HTR1E: variants seen among roughly 807,000 people sequenced by gnomAD.
HTR1E encodes 5-hydroxytryptamine receptor 1E, also known as 5-HT-1E.
In HTR1E, 3 loss-of-function variants were observed where a neutral mutation model predicts 3.4. The observed-to-expected ratio is 0.89, with a 90% CI of 0.41 to 2.31. The LOEUF (loss-of-function observed/expected upper bound fraction) is 2.31. Ranked by LOEUF, HTR1E falls within the 30% of genes most tolerant of loss-of-function variation. The pLI is 0.05. For synonymous variants in HTR1E, 170 were observed against 182.8 expected, an observed-to-expected ratio of 0.93 and a Z score of 0.56; for missense variants, 392 against 467.0, an observed-to-expected ratio of 0.84 and a Z score of 1.48.
At chr6:86,994,173 G>A (rs927791359) in intron 1 of HTR1E, among the ~76,000 whole-genome samples, 1 of 152,160 alleles carries the variant, frequency 6.6e-6, no homozygotes, top group Non-Finnish European at 1.5e-5. Flanking sequence ...ATCCATGTCA[G>A]TGGAGTCTCA....
intron 1 of HTR1E, among the ~76,000 whole-genome samples, chr6:86,995,661 A>G (rs1422312294): frequency 2.0e-5 from 2 of 101,538 alleles, no homozygotes; most frequent in Admixed American, 1.4e-4. Context: ...GTGAGACTCC[A>G]TCTCAAAAAA....
chr6:86,947,561 C>T (rs1767139186), intron 1 of HTR1E, among the ~76,000 whole-genome samples: 1 of 152,042 alleles, frequency 6.6e-6, no homozygotes, highest in African/African-American at 2.4e-5. Context: ...ATTGCCACCA[C>T]CAAGAGGCAG....
chr6:86,972,611 A>C (rs1306049118), intron 1 of HTR1E, among the ~76,000 whole-genome samples: 1 of 152,210 alleles, frequency 6.6e-6, no homozygotes, highest in Non-Finnish European at 1.5e-5. Context: ...AAAATTCTAA[A>C]TTTCTAATAA....
Position 86,977,966 on chromosome 6 carries a change from TA to T in HTR1E, c.-185-37183del, listed in dbSNP as rs548622535. 2.1e-3 allele frequency among the ~76,000 whole-genome samples: 319 copies of T among 152,322 alleles called. 4 individuals carry two copies. Among genetic ancestry groups the T allele is most frequent in the African/African-American group, 7.3e-3 (305 of 41,576 alleles). On this transcript the variant is annotated intron_variant, in intron 1 of 1. Transcript: ENST00000305344. ...CTTTATCAGATGCGTAATTTACAAA[TA>T]TTTTTTCCCATTCTGTAGGTTGACT...
At chr6:87,011,468 T>C (rs1768234696) in intron 1 of HTR1E, among the ~76,000 whole-genome samples, 1 of 152,204 alleles carries the variant, frequency 6.6e-6, no homozygotes, top group Non-Finnish European at 1.5e-5. Context: ...AATGAGTTGA[T>C]CAGGAATGCT....
chr6:87,015,801 C>T lies in HTR1E; in HGVS notation c.467C>T (p.Pro156Leu). 6.2e-7 allele frequency: 1 copy of T among 1,612,168 alleles called. No homozygotes were observed. ...VWTISIFISM[P>L]PLFWRSHRRL... ...ACCATCTCCATTTTCATCTCCATGC[C>T]CCCTCTGTTCTGGAGAAGCCACCGC... Residue 156 changes from proline (P) to leucine (L), a missense_variant, in exon 2 of 2, where the codon CCC (proline) becomes CTC (leucine). This residue lies in a region of HTR1E where 189 missense variants were observed against 258.0 expected (regional missense o/e 0.73). Transcript: ENST00000305344.
Position 86,982,440 on chromosome 6 carries a change from T to C in HTR1E, c.-185-32710T>C, listed in dbSNP as rs1285738770. 2.0e-5 allele frequency among the ~76,000 whole-genome samples: 3 copies of C among 152,296 alleles called. No individual in the cohort carries two copies. In the East Asian group the frequency reaches 5.8e-4, roughly 29 times the overall value. Reference sequence around the variant, plus strand: ...AGAATTGTGTGCAGAATTTTGGTTGTGATGTGCTCTCAGGCGATACACCTG... The same window carrying C: ...AGAATTGTGTGCAGAATTTTGGTTGCGATGTGCTCTCAGGCGATACACCTG... On this transcript the variant is annotated intron_variant, in intron 1 of 1. Transcript: ENST00000305344.
At chr6:86,993,484 T>A (rs945342048) in intron 1 of HTR1E, among the ~76,000 whole-genome samples, 2 of 151,890 alleles carry the variant, frequency 1.3e-5, no homozygotes, top group Non-Finnish European at 2.9e-5. Context: ...GCAAGTGAAC[T>A]ATTATTCGTG....
At chr6:87,010,618 C>T (rs1582285735) in intron 1 of HTR1E, among the ~76,000 whole-genome samples, 2 of 146,482 alleles carry the variant, frequency 1.4e-5, no homozygotes, top group East Asian at 4.1e-4. Context: ...CTCCTCACTT[C>T]CTAGATGGGA....
chr6:86,961,647 G>A (rs186914944), intron 1 of HTR1E, among the ~76,000 whole-genome samples: 4 of 152,316 alleles, frequency 2.6e-5, no homozygotes, highest in Non-Finnish European at 5.9e-5. Context: ...GCTCTGACTC[G>A]GTGAAGAAAC....
At chr6:86,951,032 G>A (rs138546427) in intron 1 of HTR1E, among the ~76,000 whole-genome samples, 1 of 152,248 alleles carries the variant, frequency 6.6e-6, no homozygotes, top group East Asian at 1.9e-4. Flanking sequence ...GGGGAGGAGT[G>A]TTCAATGCCT....
intron 1 of HTR1E, among the ~76,000 whole-genome samples, chr6:86,948,539 C>A (rs1237934076): frequency 2.0e-5 from 3 of 152,146 alleles, no homozygotes; most frequent in African/African-American, 7.2e-5. Flanking sequence ...TCTTCTCTTC[C>A]CTCTTCCCTA....
intron 1 of HTR1E, among the ~76,000 whole-genome samples, chr6:86,990,101 A>C (rs1767851987): frequency 6.6e-6 from 1 of 152,200 alleles, no homozygotes; most frequent in Admixed American, 6.5e-5. Flanking sequence ...AGCATGTTGC[A>C]CTACAAAAGA....
At chr6:86,983,685 G>A (rs1039448412) in intron 1 of HTR1E, among the ~76,000 whole-genome samples, 1 of 152,004 alleles carries the variant, frequency 6.6e-6, no homozygotes, top group African/African-American at 2.4e-5. Context: ...CCAACACAAA[G>A]AAATTATAAA....
intron 1 of HTR1E, among the ~76,000 whole-genome samples, chr6:86,994,491 C>T (rs908509978): frequency 2.6e-5 from 4 of 151,988 alleles, no homozygotes; most frequent in Non-Finnish European, 4.4e-5. Flanking sequence ...CAAGTGCTCA[C>T]AGAAAAGAAC....
intron 1 of HTR1E, among the ~76,000 whole-genome samples, chr6:86,985,253 A>G (rs1471684663): frequency 6.6e-6 from 1 of 152,144 alleles, no homozygotes; most frequent in Admixed American, 6.5e-5. Flanking sequence ...ATTCCAATGT[A>G]GGAGCGCCAA....
intron 1 of HTR1E, chr6:86,970,639 G>A (rs879238360): frequency 6.3e-6 from 1 of 159,040 alleles, no homozygotes; most frequent in South Asian, 1.7e-4. Flanking sequence ...ATACACAGAT[G>A]GACAGAATGG....
At chr6:86,945,636 A>T (rs1190676795) in intron 1 of HTR1E, among the ~76,000 whole-genome samples, 1 of 152,242 alleles carries the variant, frequency 6.6e-6, no homozygotes, top group Non-Finnish European at 1.5e-5. Flanking sequence ...ATATTTTTGT[A>T]TAGCTATACA....
At chr6:86,995,665 C>CAAAAA (rs60134206) in intron 1 of HTR1E, among the ~76,000 whole-genome samples, 36 of 36,684 alleles carry the variant, frequency 9.8e-4, no homozygotes, top group African/African-American at 1.7e-3. Flanking sequence ...GACTCCATCT[C>CAAAAA]AAAAAAAAAA....
Sources: allele counts gnomAD v4.1 joint callset (sites outside exome capture counted in the v4.1 genomes callset), GRCh38; gene constraint gnomAD v4.1.1; regional missense constraint gnomAD v4.1.1; transcripts MANE v1.5; gene names NCBI Gene and HGNC (gene_info 2026-07-23, HGNC 2026-07-21).